Variants in DPP6 observed in about 807,000 individuals in gnomAD.
The protein encoded by DPP6 is dipeptidyl peptidase like 6, also known as A-type potassium channel modulatory protein DPP6.
DPP6 carries 69 observed loss-of-function variants against 122.6 expected under a neutral mutation model. That is an observed-to-expected ratio of 0.56 (90% CI 0.46 to 0.69). The LOEUF (loss-of-function observed/expected upper bound fraction) is 0.69, where lower values mean the gene tolerates loss of function less well. DPP6 is among the 30% of genes least tolerant of loss of function. DPP6 has a pLI of 0.00. For synonymous variants in DPP6, 418 were observed against 433.1 expected (o/e 0.97, Z 0.43); for missense variants, 928 against 1,116.9 (o/e 0.83, Z 2.41).
Position 154,889,361 on chromosome 7 carries a change from T to G in DPP6, c.2377+17T>G. The G allele has an allele frequency of 1.9e-6, 3 of 1,611,938 alleles. No individual in the cohort carries two copies. The highest frequency in any genetic ancestry group is 2.5e-6 in the Non-Finnish European group (3 of 1,179,404). On this transcript the variant is annotated intron_variant, in intron 24 of 25. Coordinates refer to ENST00000377770, the MANE Select transcript of DPP6 (RefSeq NM_130797.4). ...CTGCCGATGGTAAGGACTGAAAACA[T>G]GAATTCACTGTGTATCTAGTAAGAG... is the stretch of plus-strand genomic sequence containing the variant.
chr7:153,988,974 G>A (rs867186610), intron 1 of DPP6, among the ~76,000 whole-genome samples: 132 of 150,628 alleles, frequency 8.8e-4, no homozygotes, highest in African/African-American at 2.8e-3. Context: ...ATTTCTCCGC[G>A]CAGAAAAAGG....
At chr7:154,779,015 C>A (rs1314385911) in intron 10 of DPP6, among the ~76,000 whole-genome samples, 82 of 2,734 alleles carry the variant, frequency 0.03, no homozygotes, top group Middle Eastern at 0.12. Flanking sequence ...CCACCAGCAC[C>A]CCACCATCAC....
intron 1 of DPP6, among the ~76,000 whole-genome samples, chr7:154,166,417 G>A (rs143274638): frequency 0.015 from 2,299 of 152,174 alleles, 70 homozygotes; most frequent in African/African-American, 0.053. Flanking sequence ...GAGCATTGCG[G>A]GAGCACTGTG....
chr7:154,442,620 G>C (rs377242711), intron 1 of DPP6, among the ~76,000 whole-genome samples: 1 of 152,160 alleles, frequency 6.6e-6, no homozygotes, highest in East Asian at 1.9e-4. Context: ...ATTTGGCCTA[G>C]AGGTAGAAAG....
chr7:153,953,072 C>T (rs1330762009), intron 1 of DPP6, among the ~76,000 whole-genome samples: 15 of 152,184 alleles, frequency 9.9e-5, no homozygotes, highest in Admixed American at 9.8e-4. Flanking sequence ...CTCCAGCCTG[C>T]AGCAGTGAAA....
chr7:153,758,156 G>T, the DPP6 span, among the ~76,000 whole-genome samples: 2 of 152,112 alleles, frequency 1.3e-5, no homozygotes, highest in Non-Finnish European at 2.9e-5. Flanking sequence ...CCTTATAGTT[G>T]CTAGGCTAGT....
intron 1 of DPP6, among the ~76,000 whole-genome samples, chr7:153,904,713 A>G (rs895062545): frequency 6.6e-6 from 1 of 152,198 alleles, no homozygotes; most frequent in African/African-American, 2.4e-5. Context: ...CTTCCATTCT[A>G]GTGGCAGAAA....
chr7:154,329,833 G>A (rs541982401), intron 1 of DPP6, among the ~76,000 whole-genome samples: 1 of 152,290 alleles, frequency 6.6e-6, no homozygotes, highest in African/African-American at 2.4e-5. Context: ...ATACACCATG[G>A]AATACTATGC....
At chr7:154,782,545 T>A (rs1299797431) in intron 10 of DPP6, among the ~76,000 whole-genome samples, 4 of 152,108 alleles carry the variant, frequency 2.6e-5, no homozygotes, top group Non-Finnish European at 4.4e-5. Context: ...CAAAGAATAT[T>A]TAGTAAGGGC....
At chr7:154,580,780 G>C (rs563677373) in intron 5 of DPP6, among the ~76,000 whole-genome samples, 2 of 152,306 alleles carry the variant, frequency 1.3e-5, no homozygotes, top group Middle Eastern at 3.4e-3. Context: ...CCTTCCCGGT[G>C]CGATCACTGC....
At chr7:154,874,997 G>A (rs1338551412) in intron 19 of DPP6, among the ~76,000 whole-genome samples, 2 of 152,170 alleles carry the variant, frequency 1.3e-5, no homozygotes, top group African/African-American at 4.8e-5. Flanking sequence ...CTATTTGGAA[G>A]GCAAAAGTGG....
rs1054403927 is a variant in DPP6, at chr7:154,481,944, G to A, written c.457+6907G>A. On this transcript the variant is annotated intron_variant, in intron 3 of 25. Coordinates refer to ENST00000377770, the MANE Select transcript of DPP6 (RefSeq NM_130797.4). The surrounding 1 kb of genome is among the most constrained non-coding windows in gnomAD (Gnocchi z 4.2). ...GTTTACTGTGGTATCCCCAGCACCAGCAAAGTCCCCAGTTTGTGGCCGTCC... is the reference window on the plus strand; with the variant it reads ...GTTTACTGTGGTATCCCCAGCACCAACAAAGTCCCCAGTTTGTGGCCGTCC... Among the ~76,000 whole-genome samples the A allele has an allele frequency of 2.0e-5, 3 of 152,204 alleles. No homozygotes were observed. Among genetic ancestry groups the A allele is most frequent in the African/African-American group, 7.2e-5 (3 of 41,456 alleles).
chr7:154,263,887 C>T (rs542334832), intron 1 of DPP6, among the ~76,000 whole-genome samples: 5 of 152,116 alleles, frequency 3.3e-5, no homozygotes, highest in East Asian at 3.9e-4. Flanking sequence ...TATGAGGTTT[C>T]GCCATGTTTG....
At chr7:154,438,908 G>A (rs1819131064) in intron 1 of DPP6, among the ~76,000 whole-genome samples, 1 of 152,186 alleles carries the variant, frequency 6.6e-6, no homozygotes, top group Non-Finnish European at 1.5e-5. Flanking sequence ...GAGGAGGAGA[G>A]GAGGGGGCTC....
chr7:153,751,944 G>A, the DPP6 span, among the ~76,000 whole-genome samples: 5 of 152,078 alleles, frequency 3.3e-5, no homozygotes, highest in Non-Finnish European at 5.9e-5. Context: ...AGTATTATCA[G>A]TGCTTCAGTC....
At chr7:154,062,265 G>T (rs1214060141) in intron 1 of DPP6, among the ~76,000 whole-genome samples, 2 of 78,900 alleles carry the variant, frequency 2.5e-5, no homozygotes, top group African/African-American at 9.6e-5. Flanking sequence ...GGTACCTTAC[G>T]TGGGATTACT....
chr7:154,142,631 G>T (rs188471430), intron 1 of DPP6, among the ~76,000 whole-genome samples: 12 of 152,260 alleles, frequency 7.9e-5, no homozygotes, highest in African/African-American at 2.2e-4. Context: ...TGATTGTACA[G>T]TTGATTAATG....
chr7:154,428,112 G>A (rs1818061078), intron 1 of DPP6, among the ~76,000 whole-genome samples: 2 of 152,162 alleles, frequency 1.3e-5, no homozygotes, highest in African/African-American at 2.4e-5. Flanking sequence ...TCTGCCAGAT[G>A]AAAAAGGCAA....
chr7:154,390,595 G>A (rs557566086), intron 1 of DPP6, among the ~76,000 whole-genome samples: 3 of 152,206 alleles, frequency 2.0e-5, no homozygotes, highest in African/African-American at 4.8e-5. Context: ...CATTTTCAGG[G>A]GTGAGACTGC....
Sources: allele counts gnomAD v4.1 joint callset (sites outside exome capture counted in the v4.1 genomes callset), GRCh38; gene constraint gnomAD v4.1.1; non-coding constraint Gnocchi (gnomAD v3.1); transcripts MANE v1.5; gene names NCBI Gene and HGNC (gene_info 2026-07-23, HGNC 2026-07-21).